Variants in SEC31A observed in about 807,000 individuals in gnomAD.
The protein encoded by SEC31A is protein transport protein Sec31A.
Under a neutral mutation model 151.0 loss-of-function variants are expected in SEC31A, and 70 were observed. The observed-to-expected ratio is 0.46, with a 90% CI of 0.38 to 0.57. The LOEUF is 0.57. SEC31A is among the 20% of genes least tolerant of loss of function. SEC31A has a pLI of 0.00. For missense variants in SEC31A, 1,330 were observed against 1,471.2 expected, an observed-to-expected ratio of 0.90 and a Z score of 1.57; for synonymous variants, 475 against 505.9, an observed-to-expected ratio of 0.94 and a Z score of 0.82.
In SEC31A at chr4:82,861,609, AAT is replaced by A. The variant is rs751879274; in HGVS notation, c.1626+20_1626+21del. 1 of 1,532,488 alleles carries A rather than the reference AAT, an allele frequency of 6.5e-7. No homozygotes were observed. The highest frequency in any genetic ancestry group is 9.0e-7 in the Non-Finnish European group (1 of 1,116,470). 94.9% of individuals were successfully genotyped at this position (1,532,488 alleles called of 1,614,324 possible). A position where few individuals can be genotyped will look rare whatever the true frequency, so the allele number is the denominator to read the frequency against. On this transcript the variant is annotated intron_variant, in intron 14 of 26. Transcript: ENST00000395310. ...CAAATATCACAAATTTGTCCAATAT[AAT>A]ATGAAAAAAAAATAAGTACCTCTCC...
intron 3 of SEC31A, chr4:82,897,725 T>G (rs1169976012): frequency 2.0e-5 from 3 of 151,768 alleles, no homozygotes; most frequent in East Asian, 3.9e-4. Flanking sequence ...GGTGACAGAG[T>G]GAGACCCCAT....
Position 82,842,234 on chromosome 4 carries a change from T to C in SEC31A, c.2874A>G (p.Pro958=), listed in dbSNP as rs771768482. ...AAGCTGAAGATGATGGTGGAGCTCC[T>C]GGTCCGCCATGCTGGAAGGATGCTC... The part of the protein sequence containing the change: ...SSGASFQHGG[P]GAPPSSSAYA... The change falls in exon 22 of 27, where the codon CCA becomes CCG. Residue 958 remains proline (P), a synonymous_variant. Coordinates refer to ENST00000395310, the MANE Select transcript of SEC31A (RefSeq NM_001077207.4). 183 of 1,613,364 alleles carry C rather than the reference T, an allele frequency of 1.1e-4. No homozygotes were observed. The highest frequency in any genetic ancestry group is 9.2e-4 in the South Asian group (84 of 91,040).
chr4:82,847,128 G>C (rs1730406071), intron 20 of SEC31A, among the ~76,000 whole-genome samples: 1 of 152,230 alleles, frequency 6.6e-6, no homozygotes, highest in Admixed American at 6.5e-5. Context: ...GCTAATTTTA[G>C]GGGTTAAGTT....
exon 2 of SEC31A, chr4:82,900,090 T>C (rs1720249996): frequency 6.6e-6 from 1 of 152,316 alleles, no homozygotes. Context: ...ATTTCCTTCA[T>C]TGTGGCAAAG....
chr4:82,847,752 T>C (rs1730554002), intron 20 of SEC31A, among the ~76,000 whole-genome samples: 1 of 152,214 alleles, frequency 6.6e-6, no homozygotes, highest in Non-Finnish European at 1.5e-5. Context: ...GAATTTACTC[T>C]GTTTTGTTCA....
At chr4:82,873,756 AC>A (rs780238510) in intron 6 of SEC31A, among the ~76,000 whole-genome samples, 41 of 151,936 alleles carry the variant, frequency 2.7e-4, no homozygotes, top group Admixed American at 1.0e-3. Context: ...AAACAAACAA[AC>A]AAAAAAAGCT....
At chr4:82,893,369 G>C (rs969561401), upstream of SEC31A, 2 of 152,196 alleles carry the variant, frequency 1.3e-5, no homozygotes, top group Non-Finnish European at 2.9e-5. Flanking sequence ...ATGCCCATTT[G>C]ACATTCTTTT....
chr4:82,831,540 G>C (rs780100457), intron 22 of SEC31A, among the ~76,000 whole-genome samples: 5 of 152,200 alleles, frequency 3.3e-5, no homozygotes, highest in Non-Finnish European at 5.9e-5. Context: ...CCCTCTTGAA[G>C]TAGCAGGGAA....
chr4:82,824,052 C>T (rs1237240567), intron 25 of SEC31A, among the ~76,000 whole-genome samples: 1 of 151,968 alleles, frequency 6.6e-6, no homozygotes, highest in Non-Finnish European at 1.5e-5. Flanking sequence ...AGATTAAGTA[C>T]ATTTATATAT....
intron 20 of SEC31A, 149 bp from the exon 21 acceptor site, chr4:82,844,658 T>C (rs1322002913): frequency 1.3e-6 from 1 of 759,332 alleles, no homozygotes; most frequent in South Asian, 2.0e-5. Context: ...TATTCTATCT[T>C]CCTCATAATA....
At chr4:82,866,114 G>A (rs28842294) in intron 10 of SEC31A, among the ~76,000 whole-genome samples, 59 of 148,796 alleles carry the variant, frequency 4.0e-4, no homozygotes, top group Non-Finnish European at 6.3e-4. Context: ...AGGGAGGGAG[G>A]GAGGGAAAGA....
rs1016729421 is a variant in SEC31A at position 82,856,299 on chromosome 4, C to T, written c.1881+653G>A. ...CCTAGTAGCTGGGATTACAGGTGCC[C>T]ACCACCACATCCGGTTAATTTTTTG... is the stretch of plus-strand genomic sequence containing the variant. On this transcript the variant is annotated intron_variant, in intron 16 of 26. Coordinates refer to ENST00000395310, the MANE Select transcript of SEC31A (RefSeq NM_001077207.4). Among the ~76,000 whole-genome samples, 5 of 151,492 alleles carry T rather than the reference C, an allele frequency of 3.3e-5. No homozygotes were observed. The South Asian group carries it at 8.4e-4, about 25-fold the overall frequency.
chr4:82,822,182 C>CA (rs1446517415), intron 25 of SEC31A, among the ~76,000 whole-genome samples: 37 of 152,070 alleles, frequency 2.4e-4, no homozygotes, highest in Admixed American at 2.4e-3. Context: ...TGTGCTGTAC[C>CA]AGGGACAAAG....
intron 7 of SEC31A, chr4:82,871,257 T>C: frequency 1.5e-6 from 2 of 1,336,386 alleles, no homozygotes; most frequent in Non-Finnish European, 9.7e-7. Context: ...GTTATCTAAC[T>C]ATATGCACAA....
intron 3 of SEC31A, among the ~76,000 whole-genome samples, chr4:82,879,926 A>G (rs1295401122): frequency 6.6e-6 from 1 of 152,240 alleles, no homozygotes; most frequent in Non-Finnish European, 1.5e-5. Context: ...GCTACCATTC[A>G]GAGATAATCA....
At chr4:82,872,269 C>T (rs923379046) in intron 6 of SEC31A, among the ~76,000 whole-genome samples, 183 bp from the exon 7 acceptor site, 10 of 152,098 alleles carry the variant, frequency 6.6e-5, no homozygotes, top group Non-Finnish European at 1.3e-4. Context: ...CTCACTGCAA[C>T]CTCCACCTCC....
At chr4:82,823,720 T>C (rs1723927855) in intron 25 of SEC31A, among the ~76,000 whole-genome samples, 1 of 152,254 alleles carries the variant, frequency 6.6e-6, no homozygotes, top group Admixed American at 6.5e-5. Context: ...GCCTCCGATA[T>C]CTAAAACATT....
intron 3 of SEC31A, among the ~76,000 whole-genome samples, chr4:82,897,217 C>T (rs574785703): frequency 1.3e-5 from 2 of 152,248 alleles, no homozygotes; most frequent in African/African-American, 4.8e-5. Context: ...AGTTTTGGAG[C>T]GTATTAGGGT....
chr4:82,824,751 A>G (rs1724151440), intron 24 of SEC31A, 77 bp from the exon 25 acceptor site: 1 of 1,517,984 alleles, frequency 6.6e-7, no homozygotes, highest in East Asian at 2.3e-5. Context: ...TCTATGTGAT[A>G]AACAGAAACC....
Sources: allele counts gnomAD v4.1 joint callset (sites outside exome capture counted in the v4.1 genomes callset), GRCh38; gene constraint gnomAD v4.1.1; transcripts MANE v1.5; gene names NCBI Gene and HGNC (gene_info 2026-07-23, HGNC 2026-07-21).